The following KCNMB4 variants were observed in gnomAD, a reference collection of about 807,000 sequenced individuals.
KCNMB4 encodes calcium-activated potassium channel subunit beta-4.
KCNMB4 carries 3 observed loss-of-function variants against 20.7 expected under a neutral mutation model. The observed-to-expected ratio is 0.14, with a 90% CI of 0.07 to 0.37. The LOEUF is 0.37. KCNMB4 is among the 10% of genes least tolerant of loss of function. The probability of loss-of-function intolerance (pLI) is 1.00; values close to 1 mark genes in which losing one functional copy is unlikely to be tolerated. For missense variants in KCNMB4, 168 were observed against 265.9 expected (o/e 0.63, Z 2.56); for synonymous variants, 110 against 113.4 (o/e 0.97, Z 0.19).
intron 2 of KCNMB4, among the ~76,000 whole-genome samples, chr12:70,401,305 C>T (rs1290425522): frequency 6.6e-6 from 1 of 152,196 alleles, no homozygotes; most frequent in African/African-American, 2.4e-5. Context: ...AAATTACAGG[C>T]GTGAGCCACT....
chr12:70,372,008 A>G lies in KCNMB4; in HGVS notation c.336+4938A>G, dbSNP rs149340249. ...TGGTCAGGGAAGGCCGCTCTGATGA[A>G]GTGACATTTACACAGAGACCCAAAG... On this transcript the variant is annotated intron_variant, in intron 1 of 2. Transcript: ENST00000258111. Among the ~76,000 whole-genome samples, 281 of 152,314 alleles carry G rather than the reference A, an allele frequency of 1.8e-3. 1 individual carries two copies. The highest frequency in any genetic ancestry group is 6.6e-3 in the African/African-American group (273 of 41,580).
chr12:70,391,277 G>A (rs1482688038), intron 1 of KCNMB4, among the ~76,000 whole-genome samples: 2 of 151,676 alleles, frequency 1.3e-5, no homozygotes, highest in African/African-American at 4.9e-5. Context: ...TTTTTCATAT[G>A]TTCACACATT....
chr12:70,368,006 C>A (rs1166932851), intron 1 of KCNMB4, among the ~76,000 whole-genome samples: 2 of 152,070 alleles, frequency 1.3e-5, no homozygotes, highest in Non-Finnish European at 2.9e-5. Flanking sequence ...ACTAATTGAG[C>A]TTTGTAGTGC....
At chr12:70,368,233 A>C (rs953228241) in intron 1 of KCNMB4, among the ~76,000 whole-genome samples, 6 of 152,150 alleles carry the variant, frequency 3.9e-5, no homozygotes, top group Non-Finnish European at 8.8e-5. Flanking sequence ...AAAAGAAAAA[A>C]ATTCTACATT....
At chr12:70,386,994 G>A (rs946194568) in intron 1 of KCNMB4, among the ~76,000 whole-genome samples, 3 of 152,160 alleles carry the variant, frequency 2.0e-5, no homozygotes, top group African/African-American at 7.2e-5. Flanking sequence ...CACAATGACT[G>A]TTAAGCATAA....
intron 1 of KCNMB4, among the ~76,000 whole-genome samples, chr12:70,372,841 A>G (rs1883622056): frequency 6.6e-6 from 1 of 152,212 alleles, no homozygotes; most frequent in Non-Finnish European, 1.5e-5. Context: ...CCAGAGGGAA[A>G]AAGTTAGGGG....
At chr12:70,400,439 C>A in intron 2 of KCNMB4, 103 bp downstream of exon 2, 1 of 1,184,004 alleles carries the variant, frequency 8.4e-7, no homozygotes, top group Non-Finnish European at 1.2e-6. Context: ...ATGGAGATAG[C>A]CTCAACTCTT....
intron 1 of KCNMB4, among the ~76,000 whole-genome samples, chr12:70,377,279 T>C (rs1883703990): frequency 6.6e-6 from 1 of 152,188 alleles, no homozygotes; most frequent in South Asian, 2.1e-4. Flanking sequence ...ACTGGAAATA[T>C]TGCAGATTTG....
At chr12:70,408,891 G>A (rs779914225) in intron 2 of KCNMB4, among the ~76,000 whole-genome samples, 27 of 151,794 alleles carry the variant, frequency 1.8e-4, no homozygotes, top group Non-Finnish European at 3.1e-4. Flanking sequence ...CCCCCTTAAC[G>A]AGTATACTTT....
At chr12:70,411,479 C>G (rs1017327553) in intron 2 of KCNMB4, among the ~76,000 whole-genome samples, 7 of 151,984 alleles carry the variant, frequency 4.6e-5, no homozygotes, top group African/African-American at 1.7e-4. Context: ...AAAATTTAAG[C>G]TTTAATTATT....
At chr12:70,384,942 C>T (rs570260525) in intron 1 of KCNMB4, among the ~76,000 whole-genome samples, 20 of 151,374 alleles carry the variant, frequency 1.3e-4, no homozygotes, top group Admixed American at 3.3e-4. Flanking sequence ...CTAGATGCTC[C>T]CTATTTAAAG....
chr12:70,387,271 C>T (rs372387997), intron 1 of KCNMB4, among the ~76,000 whole-genome samples: 17 of 151,728 alleles, frequency 1.1e-4, no homozygotes, highest in African/African-American at 4.1e-4. Context: ...CTGTGATTTT[C>T]ATTTTTAGCA....
chr12:70,404,975 A>G (rs1325685088), intron 2 of KCNMB4, among the ~76,000 whole-genome samples: 1 of 152,182 alleles, frequency 6.6e-6, no homozygotes, highest in African/African-American at 2.4e-5. Flanking sequence ...GATCATCTAC[A>G]TTTAAGTTAT....
intron 2 of KCNMB4, among the ~76,000 whole-genome samples, chr12:70,422,042 A>G (rs948986001): frequency 6.6e-6 from 1 of 152,180 alleles, no homozygotes; most frequent in Non-Finnish European, 1.5e-5. Flanking sequence ...TCCCAACACA[A>G]TTTATTGAAT....
chr12:70,428,698 C>A (rs1213744714), intron 2 of KCNMB4, among the ~76,000 whole-genome samples: 1 of 152,200 alleles, frequency 6.6e-6, no homozygotes, highest in Non-Finnish European at 1.5e-5. Flanking sequence ...AGGCAGGCTC[C>A]TCTTTCTCAG....
intron 1 of KCNMB4, among the ~76,000 whole-genome samples, chr12:70,393,537 A>G (rs1868319880): frequency 1.3e-5 from 2 of 152,174 alleles, no homozygotes; most frequent in African/African-American, 2.4e-5. Flanking sequence ...TAAATGAACT[A>G]TTTTGAAGAT....
chr12:70,382,968 T>G (rs1883820817), intron 1 of KCNMB4, among the ~76,000 whole-genome samples: 2 of 152,220 alleles, frequency 1.3e-5, no homozygotes, highest in Admixed American at 6.5e-5. Flanking sequence ...CTATTGCTCC[T>G]AGGCTACAAA....
intron 1 of KCNMB4, among the ~76,000 whole-genome samples, chr12:70,383,303 A>G (rs891602879): frequency 3.3e-5 from 5 of 151,880 alleles, no homozygotes; most frequent in African/African-American, 1.2e-4. Context: ...AGCTAAGGGG[A>G]AAAAAGAAAT....
At chr12:70,373,672 A>G (rs1883637125) in intron 1 of KCNMB4, among the ~76,000 whole-genome samples, 1 of 152,250 alleles carries the variant, frequency 6.6e-6, no homozygotes, top group South Asian at 2.1e-4. Flanking sequence ...GTTTTTGAGT[A>G]GGTGACTTAT....
Sources: allele counts gnomAD v4.1 joint callset (sites outside exome capture counted in the v4.1 genomes callset), GRCh38; gene constraint gnomAD v4.1.1; transcripts MANE v1.5; gene names NCBI Gene and HGNC (gene_info 2026-07-23, HGNC 2026-07-21).